Variants in PCMT1 observed in about 807,000 individuals in gnomAD.
The protein encoded by PCMT1 is protein-L-isoaspartate (D-aspartate) O-methyltransferase, also known as protein-L-isoaspartate(D-aspartate) O-methyltransferase.
A neutral mutation model predicts 29.2 loss-of-function variants in PCMT1; 9 were observed. The observed-to-expected ratio is 0.31, with a 90% CI of 0.19 to 0.54. The LOEUF (loss-of-function observed/expected upper bound fraction) is 0.54. PCMT1 is among the 20% of genes least tolerant of loss of function. The pLI is 0.95. For synonymous variants in PCMT1, 98 were observed against 97.5 expected (o/e 1.00, Z -0.03); for missense variants, 184 against 282.2 (o/e 0.65, Z 2.49).
chr6:149,780,718 C>A (rs1787779752), intron 3 of PCMT1, among the ~76,000 whole-genome samples: 1 of 152,114 alleles, frequency 6.6e-6, no homozygotes, highest in Non-Finnish European at 1.5e-5. Flanking sequence ...TGAATAATAT[C>A]CGATTGTATG....
chr6:149,762,783 G>GAT lies in PCMT1; in HGVS notation c.56-8371_56-8370dup, dbSNP rs1392168953. On this transcript the variant is annotated intron_variant, in intron 1 of 7. Coordinates refer to ENST00000464889, the MANE Select transcript of PCMT1 (RefSeq NM_001360452.2). ...ATACCTATGATATATATATACCTAT[G>GAT]ATATATATACCTATGATATATATAT... 1.3e-4 allele frequency among the ~76,000 whole-genome samples: 6 copies of GAT among 44,742 alleles called. 2 individuals are homozygous for GAT. The highest frequency in any genetic ancestry group is 9.3e-4 in the African/African-American group (4 of 4,320). 29.4% of individuals were successfully genotyped at this position (44,742 alleles called of 152,430 possible).
rs5880850 is a variant in PCMT1, at chr6:149,797,517, T to TAA, written c.504+1026_504+1027dup. On this transcript the variant is annotated intron_variant, in intron 6 of 7. Coordinates refer to ENST00000464889, the MANE Select transcript of PCMT1 (RefSeq NM_001360452.2). The stretch of plus-strand genomic sequence containing the variant: ...CTGAGTAACATGGCAAGACCCTGTT[T>TAA]AAAAAAAAAATTAGCCAGGCACAGT... 123 of 150,462 alleles carry TAA rather than the reference T, an allele frequency of 8.2e-4. 1 individual carries two copies. Among genetic ancestry groups the TAA allele is most frequent in the African/African-American group, 2.7e-3 (109 of 41,032 alleles). 9.3% of individuals were successfully genotyped at this position (150,462 alleles called of 1,614,324 possible). A position where few individuals can be genotyped will look rare whatever the true frequency, so the allele number is the denominator to read the frequency against.
intron 1 of PCMT1, among the ~76,000 whole-genome samples, chr6:149,769,308 C>CTTTTTTTTTTGTTTTTTTTTTTTTT (rs1787215387): frequency 1.4e-5 from 1 of 71,560 alleles, no homozygotes; most frequent in Non-Finnish European, 2.2e-5. Context: ...GTGCAGGATT[C>CTTTTTTTTTTGTTTTTTTTTTTTTT]TTTTTTTTTT....
intron 1 of PCMT1, among the ~76,000 whole-genome samples, chr6:149,753,458 G>T (rs548569429): frequency 1.3e-5 from 2 of 151,738 alleles, no homozygotes; most frequent in South Asian, 4.2e-4. Context: ...TCAGCCTCCC[G>T]AGTAGCTGGG....
chr6:149,751,009 T>G (rs1051323924), intron 1 of PCMT1, among the ~76,000 whole-genome samples: 11 of 152,218 alleles, frequency 7.2e-5, no homozygotes, highest in Admixed American at 5.2e-4. Context: ...CCTTAACGGC[T>G]GGCACCATTA....
At chr6:149,754,371 T>C (rs868823515) in intron 1 of PCMT1, among the ~76,000 whole-genome samples, 5 of 152,324 alleles carry the variant, frequency 3.3e-5, no homozygotes, top group Middle Eastern at 3.4e-3. Flanking sequence ...ACCGTGAGCC[T>C]GCTTAATCCA....
intron 3 of PCMT1, among the ~76,000 whole-genome samples, 154 bp from the exon 4 acceptor site, chr6:149,789,799 GT>G (rs1788280163): frequency 6.6e-6 from 1 of 152,088 alleles, no homozygotes; most frequent in Non-Finnish European, 1.5e-5. Context: ...TAATCAAACA[GT>G]TTACTTAAGT....
intron 2 of PCMT1, 24 bp from the exon 3 acceptor site, chr6:149,773,114 A>G: frequency 6.3e-7 from 1 of 1,589,734 alleles, no homozygotes; most frequent in Non-Finnish European, 8.6e-7. Flanking sequence ...TGACTGTATC[A>G]GTAGTTCTCT....
chr6:149,801,164 A>C (rs1775816194), intron 6 of PCMT1, among the ~76,000 whole-genome samples: 1 of 152,190 alleles, frequency 6.6e-6, no homozygotes. Context: ...ACATTTTGGA[A>C]TATTTACATA....
intron 5 of PCMT1, among the ~76,000 whole-genome samples, chr6:149,794,188 C>T (rs1205336671): frequency 6.6e-6 from 1 of 152,076 alleles, no homozygotes; most frequent in East Asian, 1.9e-4. Context: ...GAACCTTTAT[C>T]ATTTTTAGCT....
intron 7 of PCMT1, among the ~76,000 whole-genome samples, chr6:149,803,294 TC>T (rs1344938051): frequency 2.0e-5 from 3 of 151,996 alleles, no homozygotes; most frequent in African/African-American, 7.2e-5. Context: ...TTCTCCCCAT[TC>T]TATAGAATAG....
intron 1 of PCMT1, among the ~76,000 whole-genome samples, chr6:149,763,516 T>C (rs1378627826): frequency 6.6e-6 from 1 of 152,072 alleles, no homozygotes; most frequent in Non-Finnish European, 1.5e-5. Flanking sequence ...AAATGGCTGA[T>C]GGCATGCTAT....
chr6:149,764,046 A>G (rs1432029502), intron 1 of PCMT1, among the ~76,000 whole-genome samples: 1 of 152,132 alleles, frequency 6.6e-6, no homozygotes, highest in African/African-American at 2.4e-5. Flanking sequence ...ATGAAGTTAG[A>G]CTCAATGGCT....
intron 4 of PCMT1, among the ~76,000 whole-genome samples, chr6:149,792,501 TTTG>T (rs1374369066): frequency 6.6e-6 from 1 of 152,128 alleles, no homozygotes; most frequent in African/African-American, 2.4e-5. Flanking sequence ...AGAAGGGATT[TTTG>T]TTGTTGTTGC....
intron 6 of PCMT1, among the ~76,000 whole-genome samples, chr6:149,801,621 CT>C (rs1399678713): frequency 4.6e-5 from 7 of 151,926 alleles, no homozygotes; most frequent in Non-Finnish European, 7.4e-5. Flanking sequence ...TAATTTTGTA[CT>C]TTTTTAGTAG....
rs752737343 is a variant in PCMT1, at chr6:149,793,571, T to C, written c.320T>C (p.Ile107Thr). 7.3e-6 allele frequency: 11 copies of C among 1,498,810 alleles called. No homozygotes were observed. The Admixed American group carries it at 1.7e-4, about 23-fold the overall frequency. The allele number at this position is 1,498,810 out of a possible 1,614,324, so 92.8% of individuals were successfully genotyped here. ...ARMVGCTGKV[I>T]GIDHIKELVD... ...CAGGTTGGATGTACTGGAAAAGTCA[T>C]AGGAATTGATCACATTAAAGAGCTA... Residue 107 changes from isoleucine to threonine, a missense_variant, in exon 5 of 8, where the codon ATA (isoleucine) becomes ACA (threonine). Transcript: ENST00000464889.
At chr6:149,808,333 A>G (rs1327963931) in intron 7 of PCMT1, among the ~76,000 whole-genome samples, 1 of 152,164 alleles carries the variant, frequency 6.6e-6, no homozygotes, top group Non-Finnish European at 1.5e-5. Context: ...CATGTAAGTC[A>G]GATAAAGAAA....
intron 1 of PCMT1, chr6:149,750,225 G>A (rs1786249307): frequency 1.8e-6 from 1 of 544,188 alleles, no homozygotes; most frequent in Admixed American, 3.2e-5. Context: ...TGCAGGCCCT[G>A]GGGGAGGGAG....
chr6:149,761,269 GT>G (rs1786729608), intron 1 of PCMT1, among the ~76,000 whole-genome samples: 2 of 151,870 alleles, frequency 1.3e-5, no homozygotes, highest in African/African-American at 4.9e-5. Context: ...GTGTGTGTGT[GT>G]GTGTGTGTGT....
Sources: gnomAD v4.1 joint callset for allele counts (sites outside exome capture counted in the v4.1 genomes callset) on GRCh38, gnomAD v4.1.1 for gene constraint, MANE v1.5 for transcripts, NCBI Gene and HGNC (gene_info 2026-07-23, HGNC 2026-07-21) for gene names.